The following ALKBH1 variants were observed in gnomAD, a reference collection of about 807,000 sequenced individuals.
The protein encoded by ALKBH1 is nucleic acid dioxygenase ALKBH1.
ALKBH1 carries 31 observed loss-of-function variants against 36.6 expected under a neutral mutation model. The observed-to-expected ratio is 0.85, with a 90% CI of 0.64 to 1.14. The LOEUF (loss-of-function observed/expected upper bound fraction) is 1.14. Ranked by LOEUF, ALKBH1 falls within the 50% of genes most tolerant of loss-of-function variation. ALKBH1 has a pLI of 0.00. For missense variants in ALKBH1, 490 were observed against 497.3 expected (o/e 0.99, Z 0.14); for synonymous variants, 183 against 186.6 (o/e 0.98, Z 0.16).
At chr14:77,706,502 A>C (rs1309648318) in intron 1 of ALKBH1, among the ~76,000 whole-genome samples, 2 of 152,148 alleles carry the variant, frequency 1.3e-5, no homozygotes, top group African/African-American at 2.4e-5. Flanking sequence ...CAGTCTCATC[A>C]GCTGGCTTGT....
chr14:77,700,828 C>G (rs1247291243), intron 2 of ALKBH1, among the ~76,000 whole-genome samples: 1 of 152,132 alleles, frequency 6.6e-6, no homozygotes, highest in Non-Finnish European at 1.5e-5. Flanking sequence ...TGGTTCAGGT[C>G]TGTAATCCCA....
At chr14:77,686,595 C>CT (rs1306834385) in intron 3 of ALKBH1, among the ~76,000 whole-genome samples, 1 of 152,060 alleles carries the variant, frequency 6.6e-6, no homozygotes, top group East Asian at 1.9e-4. Context: ...GGGTAAGCGC[C>CT]TTATGTAAGC....
chr14:77,699,354 C>T (rs1220136770), intron 2 of ALKBH1, among the ~76,000 whole-genome samples: 1 of 152,150 alleles, frequency 6.6e-6, no homozygotes, highest in Non-Finnish European at 1.5e-5. Flanking sequence ...TTCTCTTTGG[C>T]ATATAATTTA....
At chr14:77,682,183 A>C (rs1171268890) in intron 3 of ALKBH1, among the ~76,000 whole-genome samples, 1 of 152,224 alleles carries the variant, frequency 6.6e-6, no homozygotes, top group Non-Finnish European at 1.5e-5. Context: ...TATGGATAAC[A>C]ACCACACATT....
At chr14:77,684,796 C>T (rs112350799) in intron 3 of ALKBH1, among the ~76,000 whole-genome samples, 16 of 152,274 alleles carry the variant, frequency 1.1e-4, no homozygotes, top group African/African-American at 2.9e-4. Context: ...AATCCTTCTG[C>T]GTTGGCCTCC....
chr14:77,676,085 C>G (rs2080204194), intron 4 of ALKBH1, among the ~76,000 whole-genome samples: 1 of 151,234 alleles, frequency 6.6e-6, no homozygotes, highest in Non-Finnish European at 1.5e-5. Context: ...TAGCCTAGAC[C>G]TCCTGGGCTC....
intron 5 of ALKBH1, among the ~76,000 whole-genome samples, chr14:77,675,136 T>C (rs1218870176): frequency 1.3e-5 from 2 of 152,060 alleles, no homozygotes; most frequent in African/African-American, 2.4e-5. Flanking sequence ...CCTTTCATTA[T>C]AAAAGGTAGG....
intron 3 of ALKBH1, among the ~76,000 whole-genome samples, chr14:77,692,372 G>GA (rs2080301818): frequency 6.6e-6 from 1 of 151,400 alleles, no homozygotes; most frequent in South Asian, 2.1e-4. Context: ...TCATGGAAGA[G>GA]AATTTGTCCA....
chr14:77,706,299 A>G (rs1439878081), intron 1 of ALKBH1, among the ~76,000 whole-genome samples: 1 of 152,110 alleles, frequency 6.6e-6, no homozygotes, highest in Non-Finnish European at 1.5e-5. Context: ...GGCACTGGTA[A>G]AACACTTTTA....
chr14:77,706,806 A>C (rs1470467436), intron 1 of ALKBH1, among the ~76,000 whole-genome samples: 1 of 152,170 alleles, frequency 6.6e-6, no homozygotes, highest in Non-Finnish European at 1.5e-5. Flanking sequence ...TTTTTTCCCT[A>C]ACAAATGAAG....
intron 3 of ALKBH1, among the ~76,000 whole-genome samples, chr14:77,681,481 A>C (rs1287069143): frequency 6.6e-6 from 1 of 152,258 alleles, no homozygotes; most frequent in Non-Finnish European, 1.5e-5. Context: ...TGTTTGACGA[A>C]GAGTTTACAG....
intron 3 of ALKBH1, among the ~76,000 whole-genome samples, chr14:77,693,365 T>C (rs1296235146): frequency 6.6e-6 from 1 of 152,152 alleles, no homozygotes; most frequent in East Asian, 1.9e-4. Context: ...TGTATCTAAT[T>C]ATCTGTTTGT....
intron 4 of ALKBH1, among the ~76,000 whole-genome samples, chr14:77,676,366 C>CTA (rs1252681764): frequency 6.6e-6 from 1 of 152,044 alleles, no homozygotes; most frequent in Non-Finnish European, 1.5e-5. Context: ...AGGCACTGTG[C>CTA]TATATACTGC....
At chr14:77,698,067 G>C in intron 2 of ALKBH1, among the ~76,000 whole-genome samples, 1 of 152,140 alleles carries the variant, frequency 6.6e-6, no homozygotes, top group Non-Finnish European at 1.5e-5. Context: ...TGGAGAGGGG[G>C]CAATAAAGAC....
intron 3 of ALKBH1, among the ~76,000 whole-genome samples, chr14:77,686,882 A>C (rs2080271202): frequency 6.6e-6 from 1 of 152,250 alleles, no homozygotes; most frequent in African/African-American, 2.4e-5. Flanking sequence ...TTTGCCTCCC[A>C]AAGTGCTGGG....
intron 2 of ALKBH1, among the ~76,000 whole-genome samples, chr14:77,703,208 C>T (rs1218271408): frequency 6.6e-6 from 1 of 152,030 alleles, no homozygotes; most frequent in African/African-American, 2.4e-5. Flanking sequence ...GTCGCAAATT[C>T]CTGGGCTCAA....
chr14:77,683,627 A>G, intron 3 of ALKBH1: 2 of 318,750 alleles, frequency 6.3e-6, no homozygotes, highest in Non-Finnish European at 1.2e-5. Context: ...GCTGGAGTGC[A>G]GTGGTGCAAT....
intron 1 of ALKBH1, among the ~76,000 whole-genome samples, chr14:77,707,346 C>A (rs971864282): frequency 5.3e-5 from 8 of 152,210 alleles, no homozygotes; most frequent in Non-Finnish European, 1.0e-4. Context: ...CGGAGGGATT[C>A]TCAGAATCCT....
At chr14:77,686,673 G>T (rs961227046) in intron 3 of ALKBH1, among the ~76,000 whole-genome samples, 8 of 152,330 alleles carry the variant, frequency 5.3e-5, no homozygotes, top group Non-Finnish European at 1.2e-4. Context: ...CGCCAGGCTG[G>T]AGTGCAGTGG....
Sources: gnomAD v4.1 joint callset for allele counts (sites outside exome capture counted in the v4.1 genomes callset) on GRCh38, gnomAD v4.1.1 for gene constraint, MANE v1.5 for transcripts, NCBI Gene and HGNC (gene_info 2026-07-23, HGNC 2026-07-21) for gene names.